The following ELAPOR1 variants were observed in gnomAD, a reference collection of about 807,000 sequenced individuals.
ELAPOR1 encodes endosome-lysosome associated apoptosis and autophagy regulator 1.
In ELAPOR1, 77 loss-of-function variants were observed where a neutral mutation model predicts 119.7. That is an observed-to-expected ratio of 0.64 (90% confidence interval 0.54 to 0.78). ELAPOR1 has a LOEUF of 0.78. Ranked by LOEUF, ELAPOR1 falls within the 30% of genes least tolerant of loss-of-function variation. The pLI, the probability that ELAPOR1 is intolerant of heterozygous loss-of-function variation, is 0.00. For missense variants in ELAPOR1, 1,115 were observed against 1,270.4 expected (o/e 0.88, Z 1.86); for synonymous variants, 481 against 487.2 (o/e 0.99, Z 0.17).
chr1:109,204,679 G>A lies in ELAPOR1; in HGVS notation c.*1667G>A, dbSNP rs866326785. On this transcript the variant is annotated 3_prime_UTR_variant, in exon 22 of 22. Coordinates refer to ENST00000369939, the MANE Select transcript of ELAPOR1 (RefSeq NM_020775.5). ...GCATCTGCTCAGGCACAGAATAAAC[G>A]TCTAGGCTGGCCAAAAAAGGAACTG... The A allele has an allele frequency of 6.6e-6, 1 of 152,314 alleles. No individual in the cohort carries two copies. The highest frequency in any genetic ancestry group is 1.5e-5 in the Non-Finnish European group (1 of 68,118). 9.4% of individuals were successfully genotyped at this position (152,314 alleles called of 1,614,324 possible).
chr1:109,192,725 T>C lies in ELAPOR1; in HGVS notation c.1798T>C (p.Ser600Pro), dbSNP rs549507672. The C allele has an allele frequency of 4.3e-6, 7 of 1,614,090 alleles. No individual in the cohort carries two copies. In the African/African-American group the frequency reaches 9.3e-5, roughly 22 times the overall value. ...TGCCCTAGAAGCCTCTGATGTGGGC[T>C]CCTCCTGCACCTCTTGTCCTGCTGG... ...PCALEASDVGSSCTSCPAGYY... is the reference protein window; with the variant it reads ...PCALEASDVGPSCTSCPAGYY... The change falls in exon 14 of 22, where the codon TCC becomes CCC. Residue 600 changes from serine (S) to proline (P), a missense_variant. Transcript: ENST00000369939.
At chr1:109,168,478 G>C (rs1432622804) in intron 3 of ELAPOR1, among the ~76,000 whole-genome samples, 1 of 152,204 alleles carries the variant, frequency 6.6e-6, no homozygotes, top group Non-Finnish European at 1.5e-5. Context: ...GCTGAACGGA[G>C]TCTCCATGGC....
chr1:109,178,216 G>A (rs1441677157), intron 7 of ELAPOR1, among the ~76,000 whole-genome samples: 3 of 151,982 alleles, frequency 2.0e-5, no homozygotes, highest in East Asian at 3.9e-4. Context: ...TCACCATCTC[G>A]GCCAGCCTGG....
chr1:109,203,949 G>GCT lies in ELAPOR1; in HGVS notation c.*941_*942dup, dbSNP rs1350917291. The GCT allele has an allele frequency of 1.3e-5, 2 of 151,406 alleles. No homozygotes were observed. The highest frequency in any genetic ancestry group is 4.9e-5 in the African/African-American group (2 of 41,192). 9.4% of individuals were successfully genotyped at this position (151,406 alleles called of 1,614,324 possible). The stretch of plus-strand genomic sequence containing the variant: ...AGGAATGTTTTTGTTTTTGAGACAG[G>GCT]CTCTCACTCTGTCACCTAGGCTGGA... On this transcript the variant is annotated 3_prime_UTR_variant, in exon 22 of 22. Transcript: ENST00000369939.
intron 2 of ELAPOR1, among the ~76,000 whole-genome samples, chr1:109,163,349 T>A (rs1436680856): frequency 6.6e-6 from 1 of 152,006 alleles, no homozygotes; most frequent in Non-Finnish European, 1.5e-5. Flanking sequence ...CAAAAGGGAG[T>A]GCCTGTTTAT....
chr1:109,146,363 T>G (rs1291089558), intron 1 of ELAPOR1, among the ~76,000 whole-genome samples: 1 of 152,030 alleles, frequency 6.6e-6, no homozygotes, highest in Non-Finnish European at 1.5e-5. Flanking sequence ...AAATTAAGAA[T>G]TCCAGGCCAG....
Position 109,185,128 on chromosome 1 carries a change from G to A in ELAPOR1, c.1036G>A (p.Gly346Arg), listed in dbSNP as rs747379779. 6.2e-6 allele frequency: 10 copies of A among 1,613,148 alleles called. No individual in the cohort carries two copies. Among genetic ancestry groups the A allele is most frequent in the East Asian group, 4.5e-5 (2 of 44,872 alleles). The change falls in exon 8 of 22, where the codon GGA becomes AGA. Residue 346 changes from glycine (G) to arginine (R), a missense_variant. Gly to Arg is a moderately radical substitution (Grantham distance 125). Transcript: ENST00000369939. ...CACACACACGGCCTGCGATGCCAAC[G>A]GAGAGGTGGGTAGTACAGTCTTGGA... ...FYTHTACDAN[G>R]ETQLMYKWAK...
At chr1:109,177,919 G>T (rs1457998154) in intron 7 of ELAPOR1, among the ~76,000 whole-genome samples, 1 of 152,014 alleles carries the variant, frequency 6.6e-6, no homozygotes, top group Non-Finnish European at 1.5e-5. Context: ...GCATTAGGTT[G>T]GGAGTCTGAA....
rs1653158745 is a variant in ELAPOR1 at position 109,187,962 on chromosome 1, T to C, written c.1042-215T>C. The C allele has an allele frequency of 7.7e-6, 10 of 1,299,254 alleles. No homozygotes were observed. The South Asian group carries it at 2.4e-4, about 32-fold the overall frequency. The allele number at this position is 1,299,254 out of a possible 1,614,324, so 80.5% of individuals were successfully genotyped here. A position where few individuals can be genotyped will look rare whatever the true frequency, so the allele number is the denominator to read the frequency against. On this transcript the variant is annotated intron_variant, in intron 8 of 21. Transcript: ENST00000369939. ...CTATTCCTTGTCACCCAGGCAACAT[T>C]CATTTGGCAGATAGTGATTGAACAC...
In ELAPOR1 at chr1:109,204,864, G is replaced by A. The variant is rs1039784578; in HGVS notation, c.*1852G>A. ...AGCTCAGGAGTTCAAGACCAGCCTG[G>A]GCAACACAGTGAGACCCTGTCTCTA... On this transcript the variant is annotated 3_prime_UTR_variant, in exon 22 of 22. Coordinates refer to ENST00000369939, the MANE Select transcript of ELAPOR1 (RefSeq NM_020775.5). 2 of 152,302 alleles carry A rather than the reference G, an allele frequency of 1.3e-5. No individual in the cohort carries two copies. Among genetic ancestry groups the A allele is most frequent in the South Asian group, 4.2e-4 (2 of 4,818 alleles). 9.4% of individuals were successfully genotyped at this position (152,302 alleles called of 1,614,324 possible).
rs369672097 is a variant in ELAPOR1 at position 109,191,561 on chromosome 1, C to A, written c.1545+90C>A. 26 of 1,373,030 alleles carry A rather than the reference C, an allele frequency of 1.9e-5. No individual in the cohort carries two copies. The African/African-American group carries it at 3.7e-4, about 20-fold the overall frequency. 85.1% of individuals were successfully genotyped at this position (1,373,030 alleles called of 1,614,324 possible). On this transcript the variant is annotated intron_variant, in intron 12 of 21. Coordinates refer to ENST00000369939, the MANE Select transcript of ELAPOR1 (RefSeq NM_020775.5). ...TGGTGTGTCCACGTGACTGACACCC[C>A]CCCTTGTAGTGATTCCACAGAGGAA...
intron 1 of ELAPOR1, 109 bp from the exon 2 acceptor site, chr1:109,161,785 T>A: frequency 7.2e-7 from 1 of 1,386,104 alleles, no homozygotes; most frequent in East Asian, 2.4e-5. Flanking sequence ...CCAGGGCCCA[T>A]TTCTGAGAGG....
At chr1:109,198,440 C>A in intron 17 of ELAPOR1, 133 bp from the exon 18 acceptor site, 1 of 729,640 alleles carries the variant, frequency 1.4e-6, no homozygotes, top group Non-Finnish European at 2.3e-6. Flanking sequence ...CTGTGCACTC[C>A]CTGTGTGCCA....
intron 1 of ELAPOR1, among the ~76,000 whole-genome samples, chr1:109,141,355 A>G (rs188555522): frequency 2.2e-4 from 34 of 151,784 alleles, no homozygotes; most frequent in African/African-American, 8.2e-4. Flanking sequence ...CTGCCTCTCG[A>G]GGTTCACACC....
intron 1 of ELAPOR1, among the ~76,000 whole-genome samples, chr1:109,148,526 C>T (rs1650328769): frequency 6.6e-6 from 1 of 152,222 alleles, no homozygotes; most frequent in Non-Finnish European, 1.5e-5. Context: ...GTTCTAAGGA[C>T]TCCATTTGGA....
chr1:109,193,495 T>TGAC (rs1456414176), intron 14 of ELAPOR1, among the ~76,000 whole-genome samples: 1 of 151,976 alleles, frequency 6.6e-6, no homozygotes, highest in African/African-American at 2.4e-5. Flanking sequence ...CCAGCCTGGG[T>TGAC]GACAGAGCAA....
At chr1:109,117,150 C>T (rs767126735) in intron 1 of ELAPOR1, among the ~76,000 whole-genome samples, 88 of 152,274 alleles carry the variant, frequency 5.8e-4, no homozygotes, top group Non-Finnish European at 6.8e-4. Flanking sequence ...AATCAGGAAA[C>T]GGAGAGGTTT....
intron 1 of ELAPOR1, among the ~76,000 whole-genome samples, chr1:109,148,869 T>C (rs1051297072): frequency 6.6e-6 from 1 of 152,246 alleles, no homozygotes; most frequent in African/African-American, 2.4e-5. Context: ...ATGTGTGTGC[T>C]ATATTCTTTC....
chr1:109,172,747 T>C (rs1365238123), intron 5 of ELAPOR1, among the ~76,000 whole-genome samples, 179 bp downstream of exon 5: 1 of 152,202 alleles, frequency 6.6e-6, no homozygotes, highest in Non-Finnish European at 1.5e-5. Context: ...GGGTGTGAGC[T>C]GACTTGTAGC....
Sources: allele counts gnomAD v4.1 joint callset (sites outside exome capture counted in the v4.1 genomes callset), GRCh38; gene constraint gnomAD v4.1.1; transcripts MANE v1.5; gene names NCBI Gene and HGNC (gene_info 2026-07-23, HGNC 2026-07-21).